The following FAHD2A variants were observed in gnomAD, a reference collection of about 807,000 sequenced individuals.
FAHD2A encodes fumarylacetoacetate hydrolase domain containing 2A, also known as oxaloacetate tautomerase FAHD2A, mitochondrial.
Under a neutral mutation model 33.4 loss-of-function variants are expected in FAHD2A, and 27 were observed. That is an observed-to-expected ratio of 0.81 (90% CI 0.60 to 1.11). FAHD2A has a LOEUF of 1.11. FAHD2A is among the 50% of genes most tolerant of loss of function. FAHD2A has a pLI of 0.00. For missense variants in FAHD2A, 296 were observed against 395.0 expected, an observed-to-expected ratio of 0.75 and a Z score of 2.12; for synonymous variants, 130 against 153.3, an observed-to-expected ratio of 0.85 and a Z score of 1.12.
intron 5 of FAHD2A, 93 bp from the exon 6 acceptor site, chr2:95,412,341 A>G: frequency 6.7e-7 from 1 of 1,483,644 alleles, no homozygotes; most frequent in Non-Finnish European, 9.3e-7. Flanking sequence ...TCACCTGCCA[A>G]GTCACGAAGC....
In FAHD2A at chr2:95,405,538, C is replaced by T. The variant is rs567996866; in HGVS notation, c.-6-15C>T. On this transcript the variant is annotated splice_polypyrimidine_tract_variant and intron_variant, in intron 1 of 7. Transcript: ENST00000233379. ...GGGATCCTCTGTCTCCTGGATCCTGCATTTTTCTCTGCAGGCTCTGATGCT... is the reference window on the plus strand; with the variant it reads ...GGGATCCTCTGTCTCCTGGATCCTGTATTTTTCTCTGCAGGCTCTGATGCT... The T allele has an allele frequency of 1.8e-5, 29 of 1,600,306 alleles. No individual in the cohort carries two copies. The highest frequency in any genetic ancestry group is 9.0e-5 in the East Asian group (4 of 44,576).
Position 95,414,188 on chromosome 2 carries a change from C to T in FAHD2A, c.*1231C>T, listed in dbSNP as rs1292593419. ...TGGGTTGTCACTGTCCGGCAGGGGG[C>T]AGCAGCCACCAGCAAACACCACTGC... On this transcript the variant is annotated 3_prime_UTR_variant, in exon 8 of 8. Coordinates refer to ENST00000233379, the MANE Select transcript of FAHD2A (RefSeq NM_016044.3). 6.3e-7 allele frequency: 1 copy of T among 1,580,598 alleles called. No individual in the cohort carries two copies. Among genetic ancestry groups the T allele is most frequent in the Non-Finnish European group, 8.6e-7 (1 of 1,164,646 alleles).
chr2:95,411,210 C>T (rs563016350), intron 5 of FAHD2A, among the ~76,000 whole-genome samples, 184 bp downstream of exon 5: 42 of 152,348 alleles, frequency 2.8e-4, no homozygotes, highest in African/African-American at 7.2e-4. Flanking sequence ...CCTTCCCAAG[C>T]CCCCTAGAGG....
At chr2:95,420,715 CTGACTT>C (rs981138413), downstream of FAHD2A, among the ~76,000 whole-genome samples, 2 of 151,822 alleles carry the variant, frequency 1.3e-5, no homozygotes, top group African/African-American at 4.9e-5. Flanking sequence ...GTTGAGGAAA[CTGACTT>C]TGAGTGGTAG....
chr2:95,408,458 CA>C (rs922684900), intron 3 of FAHD2A, among the ~76,000 whole-genome samples: 54 of 151,608 alleles, frequency 3.6e-4, no homozygotes, highest in African/African-American at 1.2e-3. Flanking sequence ...GAGCAATTTA[CA>C]AAAAAAAGAG....
downstream of FAHD2A, among the ~76,000 whole-genome samples, chr2:95,420,871 C>A (rs2551296): frequency 3.4e-4 from 51 of 152,094 alleles, no homozygotes; most frequent in South Asian, 7.9e-3. Context: ...ACTATAGAAT[C>A]CTAGAAATTC....
chr2:95,410,685 C>T, intron 4 of FAHD2A, 99 bp downstream of exon 4: 12 of 1,563,784 alleles, frequency 7.7e-6, no homozygotes, highest in Non-Finnish European at 7.8e-6. Context: ...ACGGTGCCAG[C>T]TGTCCCTGAC....
chr2:95,419,517 C>T (rs1419813813), downstream of FAHD2A, among the ~76,000 whole-genome samples: 1 of 151,994 alleles, frequency 6.6e-6, no homozygotes, highest in African/African-American at 2.4e-5. Flanking sequence ...GTGTCTTGGC[C>T]TAGATCCTAT....
Position 95,406,965 on chromosome 2 carries a change from C to A in FAHD2A, c.270C>A (p.Val90=). ...GAGCCCTGGCTGCCCAGTTGCCAGT[C>A]CTACCACGGTCGGAGGTAACCTTCC... ...ARRALAAQLP[V]LPRSEVTFLA... is the part of the protein sequence containing the mutation. Residue 90 remains valine (V), a synonymous_variant, in exon 3 of 8, where the codon GTC becomes GTA. Coordinates refer to ENST00000233379, the MANE Select transcript of FAHD2A (RefSeq NM_016044.3). 1.9e-6 allele frequency: 3 copies of A among 1,613,798 alleles called. No individual in the cohort carries two copies. Among genetic ancestry groups the A allele is most frequent in the Non-Finnish European group, 2.5e-6 (3 of 1,179,776 alleles).
At chr2:95,411,135 C>T in intron 5 of FAHD2A, 109 bp downstream of exon 5, 2 of 1,509,140 alleles carry the variant, frequency 1.3e-6, no homozygotes, top group East Asian at 2.3e-5. Context: ...CCTGGCCGCC[C>T]TTTCACTGCT....
intron 3 of FAHD2A, among the ~76,000 whole-genome samples, chr2:95,409,493 G>A (rs1682137425): frequency 6.6e-6 from 1 of 152,148 alleles, no homozygotes; most frequent in African/African-American, 2.4e-5. Flanking sequence ...ATGTTTAGTA[G>A]AGACGGGGTT....
chr2:95,407,482 A>G, intron 3 of FAHD2A: 1 of 412,988 alleles, frequency 2.4e-6, no homozygotes, highest in Non-Finnish European at 4.5e-6. Context: ...CCGCTCCTGT[A>G]TATGTTTATA....
intron 7 of FAHD2A, 35 bp downstream of exon 7, chr2:95,412,799 A>G (rs1158818397): frequency 2.5e-6 from 4 of 1,614,078 alleles, no homozygotes; most frequent in East Asian, 4.5e-5. Flanking sequence ...AAGGGCCCCA[A>G]AGGCCTGGCA....
intron 3 of FAHD2A, 51 bp from the exon 4 acceptor site, chr2:95,410,476 A>T: frequency 6.4e-7 from 1 of 1,574,588 alleles, no homozygotes; most frequent in Non-Finnish European, 8.6e-7. Context: ...CTCAGCATGG[A>T]CAGTGGGCCC....
Position 95,415,344 on chromosome 2 carries a change from C to G in FAHD2A, c.*2387C>G, listed in dbSNP as rs914302673. 1.3e-5 allele frequency: 2 copies of G among 151,932 alleles called. No homozygotes were observed. The highest frequency in any genetic ancestry group is 2.9e-5 in the Non-Finnish European group (2 of 68,006). The allele number at this position is 151,932 out of a possible 1,614,324, so 9.4% of individuals were successfully genotyped here. The stretch of plus-strand genomic sequence containing the variant: ...CTAACACCCGAGAAGCCCAGACTTC[C>G]CAGTGTTTAGCAACAGATTAAACTC... On this transcript the variant is annotated 3_prime_UTR_variant, in exon 8 of 8. Coordinates refer to ENST00000233379, the MANE Select transcript of FAHD2A (RefSeq NM_016044.3).
chr2:95,413,411 T>C lies in FAHD2A; in HGVS notation c.*454T>C. 1 of 1,598,912 alleles carries C rather than the reference T, an allele frequency of 6.3e-7. No homozygotes were observed. The highest frequency in any genetic ancestry group is 8.5e-7 in the Non-Finnish European group (1 of 1,176,324). The stretch of plus-strand genomic sequence containing the variant: ...CTGGCTCTAGGACACAGCTGTGTTC[T>C]GGGGCTCAGAAGTCTCAGCACAGGC... On this transcript the variant is annotated 3_prime_UTR_variant, in exon 8 of 8. Transcript: ENST00000233379.
downstream of FAHD2A, among the ~76,000 whole-genome samples, chr2:95,418,792 C>T (rs1046351735): frequency 2.6e-5 from 4 of 152,038 alleles, no homozygotes; most frequent in African/African-American, 9.7e-5. Flanking sequence ...TTAAGGCGGT[C>T]TTATGGGTTA....
downstream of FAHD2A, among the ~76,000 whole-genome samples, chr2:95,418,552 A>T (rs560988074): frequency 6.6e-6 from 1 of 152,150 alleles, no homozygotes; most frequent in East Asian, 1.9e-4. Flanking sequence ...AGTAATCTGA[A>T]AGACAGGAAG....
chr2:95,417,929 A>G (rs891979904), downstream of FAHD2A, among the ~76,000 whole-genome samples: 16 of 152,130 alleles, frequency 1.1e-4, 1 homozygote, highest in Non-Finnish European at 1.9e-4. Context: ...GGGAGTATAC[A>G]AATATGCAGT....
Sources: allele counts gnomAD v4.1 joint callset (sites outside exome capture counted in the v4.1 genomes callset), GRCh38; gene constraint gnomAD v4.1.1; transcripts MANE v1.5; gene names NCBI Gene and HGNC (gene_info 2026-07-23, HGNC 2026-07-21).